The following NTRK2 variants were observed in gnomAD, a reference collection of about 807,000 sequenced individuals.
The protein encoded by NTRK2 is BDNF/NT-3 growth factors receptor.
Under a neutral mutation model 94.5 loss-of-function variants are expected in NTRK2, and 13 were observed. The observed-to-expected ratio is 0.14, with a 90% confidence interval of 0.09 to 0.22. The LOEUF (loss-of-function observed/expected upper bound fraction) is 0.22, where lower values mean the gene tolerates loss of function less well. Ranked by LOEUF, NTRK2 falls within the 10% of genes least tolerant of loss-of-function variation. NTRK2 has a pLI of 1.00. For synonymous variants in NTRK2, 372 were observed against 407.4 expected (o/e 0.91, Z 1.05); for missense variants, 639 against 1,071.2 (o/e 0.60, Z 5.63).
intron 12 of NTRK2, chr9:84,815,835 C>T (rs774687389): frequency 8.1e-5 from 62 of 769,354 alleles, no homozygotes; most frequent in Non-Finnish European, 8.6e-5. Context: ...AGAAATGTCA[C>T]GGAGAGTTTC....
chr9:84,803,443 T>C (rs2070734875), intron 12 of NTRK2, among the ~76,000 whole-genome samples: 1 of 152,182 alleles, frequency 6.6e-6, no homozygotes, highest in African/African-American at 2.4e-5. Flanking sequence ...TATGCGGCCC[T>C]ACCTTGGTCT....
chr9:84,974,839 G>A (rs1292264920), intron 17 of NTRK2, among the ~76,000 whole-genome samples: 1 of 152,158 alleles, frequency 6.6e-6, no homozygotes, highest in Admixed American at 6.5e-5. Flanking sequence ...CAGCCTCAAG[G>A]AAGTCGCCGG....
chr9:85,019,347 C>G (rs1832579088), intron 17 of NTRK2, among the ~76,000 whole-genome samples: 1 of 152,136 alleles, frequency 6.6e-6, no homozygotes, highest in Non-Finnish European at 1.5e-5. Flanking sequence ...GAACCTACCG[C>G]CACAGGACTA....
intron 12 of NTRK2, among the ~76,000 whole-genome samples, chr9:84,755,006 A>G (rs545632522): frequency 2.0e-5 from 3 of 152,318 alleles, no homozygotes; most frequent in African/African-American, 7.2e-5. Context: ...TCACCACACT[A>G]CAGCTGAGTG....
intron 12 of NTRK2, among the ~76,000 whole-genome samples, chr9:84,776,357 G>T (rs34199097): frequency 0.048 from 7,292 of 152,168 alleles, 225 homozygotes; most frequent in African/African-American, 0.069. Context: ...GAGTAGCTGA[G>T]ATTACAGGCA....
chr9:84,699,518 T>C (rs1229518891), intron 2 of NTRK2, among the ~76,000 whole-genome samples: 1 of 152,208 alleles, frequency 6.6e-6, no homozygotes, highest in African/African-American at 2.4e-5. Context: ...TGTCTGGTCT[T>C]AGATTTCAGA....
Position 84,742,635 on chromosome 9 carries a change from A to C in NTRK2, c.1195+708A>C, listed in dbSNP as rs565540578. On this transcript the variant is annotated intron_variant, in intron 10 of 18. Coordinates refer to ENST00000277120, the MANE Select transcript of NTRK2 (RefSeq NM_006180.6). ...GTCATAGTCCATTCTTGCCCTTATTACTGCTAAGAGGGATGGATTATCCCT... is the reference window on the plus strand; with the variant it reads ...GTCATAGTCCATTCTTGCCCTTATTCCTGCTAAGAGGGATGGATTATCCCT... Among the ~76,000 whole-genome samples the C allele has an allele frequency of 5.3e-5, 8 of 152,200 alleles. No homozygotes were observed. The East Asian group carries it at 1.5e-3, about 29-fold the overall frequency.
chr9:84,960,080 G>A (rs1824719579), intron 17 of NTRK2, among the ~76,000 whole-genome samples: 1 of 152,182 alleles, frequency 6.6e-6, no homozygotes, highest in East Asian at 1.9e-4. Flanking sequence ...AGAAGAATAA[G>A]CAAAGTGATT....
In NTRK2 at chr9:84,902,352, A is replaced by T. The variant is rs2076956113; in HGVS notation, c.1634-31810A>T. Reference sequence around the variant, plus strand: ...TTTTTGAAAGCCTCCAAGAGTCCCCATGCATGCTGTAAGAATGTGAGAATT... The same window carrying T: ...TTTTTGAAAGCCTCCAAGAGTCCCCTTGCATGCTGTAAGAATGTGAGAATT... On this transcript the variant is annotated intron_variant, in intron 14 of 18. Coordinates refer to ENST00000277120, the MANE Select transcript of NTRK2 (RefSeq NM_006180.6). Among the ~76,000 whole-genome samples, 4 of 152,250 alleles carry T rather than the reference A, an allele frequency of 2.6e-5. No homozygotes were observed. In the South Asian group the frequency reaches 8.3e-4, roughly 32 times the overall value.
chr9:85,002,561 G>A (rs1346117283), intron 17 of NTRK2, among the ~76,000 whole-genome samples: 1 of 152,146 alleles, frequency 6.6e-6, no homozygotes, highest in Non-Finnish European at 1.5e-5. Context: ...GTGATGAAGT[G>A]ACCGTTCAAG....
intron 12 of NTRK2, among the ~76,000 whole-genome samples, chr9:84,840,265 C>CTT (rs1158579395): frequency 3.0e-4 from 31 of 101,838 alleles, no homozygotes; most frequent in East Asian, 1.2e-3. Flanking sequence ...ATTGACAATT[C>CTT]TTTTTTTTTT....
At chr9:84,803,012 T>C (rs749552713) in intron 12 of NTRK2, among the ~76,000 whole-genome samples, 6 of 152,174 alleles carry the variant, frequency 3.9e-5, no homozygotes, top group Non-Finnish European at 8.8e-5. Context: ...TCTATGACTT[T>C]CAATTTCTCT....
chr9:84,985,679 T>A (rs1259690524), intron 17 of NTRK2, among the ~76,000 whole-genome samples: 2 of 152,254 alleles, frequency 1.3e-5, no homozygotes, highest in African/African-American at 4.8e-5. Context: ...GAGATAAAGT[T>A]CAAGATTTTA....
chr9:84,758,501 C>T (rs1279766954), intron 12 of NTRK2, among the ~76,000 whole-genome samples: 2 of 152,086 alleles, frequency 1.3e-5, no homozygotes, highest in Non-Finnish European at 2.9e-5. Context: ...AAGTGATTCT[C>T]CTGTCTTAGC....
chr9:84,741,959 T>C lies in NTRK2; in HGVS notation c.1195+32T>C, dbSNP rs762597266. ...ATCGTGTTTTCTACTTTGTATTTCT[T>C]TTTCAAAATGTTTGTGTATCATGAA... is the stretch of plus-strand genomic sequence containing the variant. On this transcript the variant is annotated intron_variant, in intron 10 of 18. Coordinates refer to ENST00000277120, the MANE Select transcript of NTRK2 (RefSeq NM_006180.6). 4.5e-6 allele frequency: 7 copies of C among 1,571,992 alleles called. No homozygotes were observed. In the Admixed American group the frequency reaches 1.2e-4, roughly 26 times the overall value.
chr9:84,809,345 G>A (rs767883909), intron 12 of NTRK2, among the ~76,000 whole-genome samples: 1 of 150,520 alleles, frequency 6.6e-6, no homozygotes, highest in Non-Finnish European at 1.5e-5. Flanking sequence ...CTACTGTTTG[G>A]TTGGTGCTTA....
chr9:84,693,132 T>G (rs2060155752), intron 2 of NTRK2, among the ~76,000 whole-genome samples: 1 of 152,196 alleles, frequency 6.6e-6, no homozygotes, highest in Admixed American at 6.5e-5. Flanking sequence ...CAAATGTTAG[T>G]GACTAATTAA....
intron 17 of NTRK2, among the ~76,000 whole-genome samples, chr9:85,012,957 A>G (rs965722581): frequency 6.6e-6 from 1 of 152,212 alleles, no homozygotes; most frequent in Non-Finnish European, 1.5e-5. Context: ...TTGGCCTTGA[A>G]GTTACTAAGT....
intron 12 of NTRK2, among the ~76,000 whole-genome samples, chr9:84,834,404 C>T (rs1405652184): frequency 6.6e-6 from 1 of 152,078 alleles, no homozygotes; most frequent in East Asian, 1.9e-4. Flanking sequence ...ATTGCTGTGC[C>T]CTGGAGGCTG....
Sources: allele counts gnomAD v4.1 joint callset (sites outside exome capture counted in the v4.1 genomes callset), GRCh38; gene constraint gnomAD v4.1.1; transcripts MANE v1.5; gene names NCBI Gene and HGNC (gene_info 2026-07-23, HGNC 2026-07-21).